Variants in CLCN5 observed in about 807,000 individuals in gnomAD.
CLCN5 encodes Cl-/H+ antiporter 5, also known as H(+)/Cl(-) exchange transporter 5.
A neutral mutation model predicts 54.0 loss-of-function variants in CLCN5; 17 were observed. The ratio of observed to expected loss-of-function variants is 0.31; its 90% CI spans 0.22 to 0.47. CLCN5 has a LOEUF of 0.47. Among genes scored for constraint, CLCN5 ranks in the 20% least tolerant of loss-of-function variants. The pLI is 1.00. For missense variants in CLCN5, 448 were observed against 646.7 expected, an observed-to-expected ratio of 0.69 and a Z score of 3.33; for synonymous variants, 222 against 233.0, an observed-to-expected ratio of 0.95 and a Z score of 0.43.
chrX:49,982,895 T>C (rs1928813642), intron 3 of CLCN5, among the ~76,000 whole-genome samples: 1 of 112,137 alleles, frequency 8.9e-6, no homozygotes, highest in Non-Finnish European at 1.9e-5. Context: ...ATTAGTGTGC[T>C]ACAAATACTT....
chrX:50,027,336 T>A (rs1312741343), intron 3 of CLCN5, among the ~76,000 whole-genome samples: 1 of 111,749 alleles, frequency 8.9e-6, no homozygotes, highest in African/African-American at 3.3e-5. Context: ...TTCTTTCTTC[T>A]CCTTCTGGTA....
intron 3 of CLCN5, among the ~76,000 whole-genome samples, chrX:50,023,123 G>T (rs1557184599): frequency 1.0e-5 from 1 of 96,825 alleles, no homozygotes; most frequent in East Asian, 2.9e-4. Context: ...AAGTCTCTTT[G>T]TAGGTCACTC....
chrX:50,043,208 C>T (rs1358213634), intron 4 of CLCN5, among the ~76,000 whole-genome samples: 2 of 111,660 alleles, frequency 1.8e-5, no homozygotes, highest in Non-Finnish European at 3.8e-5. Context: ...AATCCCCCTC[C>T]TTGGTTATCT....
intron 3 of CLCN5, among the ~76,000 whole-genome samples, chrX:49,936,557 C>G (rs1429167537): frequency 6.3e-5 from 7 of 111,919 alleles, no homozygotes; most frequent in African/African-American, 2.3e-4. Context: ...ACTTGGTTTT[C>G]TAGACTGTTA....
chrX:49,930,485 A>G (rs1463793792), intron 3 of CLCN5, among the ~76,000 whole-genome samples: 1 of 111,971 alleles, frequency 8.9e-6, no homozygotes, highest in Non-Finnish European at 1.9e-5. Flanking sequence ...GAATATGGTA[A>G]TTACCAAAAA....
At chrX:50,011,801 TGTGCACACACGCACAC>T (rs1365748057) in intron 3 of CLCN5, among the ~76,000 whole-genome samples, 3 of 112,226 alleles carry the variant, frequency 2.7e-5, no homozygotes, top group Non-Finnish European at 5.6e-5. Flanking sequence ...TGTGAGCACA[TGTGCACACACGCACAC>T]GTGCACACAC....
chrX:49,923,643 C>T (rs781949140), intron 2 of CLCN5, 161 bp downstream of exon 2: 2 of 112,224 alleles, frequency 1.8e-5, no homozygotes, highest in Non-Finnish European at 3.8e-5. Context: ...TAACTGCACG[C>T]GAAATAGGAG....
intron 4 of CLCN5, among the ~76,000 whole-genome samples, chrX:50,050,853 G>A (rs934341863): frequency 2.7e-5 from 3 of 109,170 alleles, no homozygotes; most frequent in Non-Finnish European, 3.8e-5. Context: ...TAGTAGAGAC[G>A]AGGTTTCACC....
At chrX:50,053,947 A>G (rs1932666001) in intron 4 of CLCN5, among the ~76,000 whole-genome samples, 1 of 109,805 alleles carries the variant, frequency 9.1e-6, no homozygotes, top group Non-Finnish European at 1.9e-5. Context: ...AAATTCCTCT[A>G]GTGTGCTTGT....
At position 50,092,493 on chromosome X, in the gene CLCN5, T is replaced by G. The variant is rs1423821827; in HGVS notation, c.*274T>G. 11 of 318,310 alleles carry G rather than the reference T, an allele frequency of 3.5e-5. No individual in the cohort carries two copies. The East Asian group carries it at 4.5e-4, about 13-fold the overall frequency. The allele number at this position is 318,310 out of a possible 1,213,427, so 26.2% of individuals were successfully genotyped here. A position where few individuals can be genotyped will look rare whatever the true frequency, so the allele number is the denominator to read the frequency against. On this transcript the variant is annotated 3_prime_UTR_variant, in exon 15 of 15. Coordinates refer to ENST00000376091, the MANE Select transcript of CLCN5 (RefSeq NM_001127898.4). ...CTATGGTTTAATTATATTTGCTTTT[T>G]AAAAGATTTTTTTAACTTAAAAAGT... is the stretch of plus-strand genomic sequence containing the variant.
At chrX:50,017,976 T>C (rs1018546811) in intron 3 of CLCN5, among the ~76,000 whole-genome samples, 5 of 111,739 alleles carry the variant, frequency 4.5e-5, no homozygotes, top group Non-Finnish European at 9.4e-5. Context: ...TCTCTCTGGC[T>C]AAACTTTAGA....
At chrX:50,050,928 C>T (rs1035687183) in intron 4 of CLCN5, among the ~76,000 whole-genome samples, 6 of 110,933 alleles carry the variant, frequency 5.4e-5, no homozygotes, top group Non-Finnish European at 7.6e-5. Flanking sequence ...TCCCAAAGTG[C>T]GGGGATTACA....
intron 3 of CLCN5, among the ~76,000 whole-genome samples, chrX:49,960,092 A>T: frequency 9.0e-6 from 1 of 110,733 alleles, no homozygotes; most frequent in Non-Finnish European, 1.9e-5. Context: ...GAAGTTTTCT[A>T]GCCTTCTCCT....
intron 7 of CLCN5, 111 bp from the exon 8 acceptor site, chrX:50,080,482 TG>T: frequency 1.5e-6 from 1 of 654,353 alleles, no homozygotes; most frequent in Non-Finnish European, 2.3e-6. Flanking sequence ...TTAATCTCGG[TG>T]GTTTTTTTTT....
At chrX:49,941,139 A>G (rs1926305826) in intron 3 of CLCN5, among the ~76,000 whole-genome samples, 1 of 110,787 alleles carries the variant, frequency 9.0e-6, no homozygotes, top group Admixed American at 9.6e-5. Flanking sequence ...CCTGGCCAAC[A>G]TGGTGAAACT....
At chrX:49,963,391 A>G (rs782377787) in intron 3 of CLCN5, among the ~76,000 whole-genome samples, 1 of 111,537 alleles carries the variant, frequency 9.0e-6, no homozygotes, top group South Asian at 3.8e-4. Context: ...TGGTAACCAT[A>G]TATAACTTAT....
chrX:49,981,239 G>A (rs1004578818), intron 3 of CLCN5, among the ~76,000 whole-genome samples: 2 of 111,588 alleles, frequency 1.8e-5, no homozygotes, highest in African/African-American at 6.5e-5. Flanking sequence ...CCAATGAGCC[G>A]TTATTTCTCT....
At chrX:50,045,807 C>G (rs1932372488) in intron 4 of CLCN5, among the ~76,000 whole-genome samples, 1 of 112,265 alleles carries the variant, frequency 8.9e-6, no homozygotes, top group Non-Finnish European at 1.9e-5. Flanking sequence ...ATATAACTTT[C>G]TTGCTTTGCT....
chrX:50,033,850 A>G (rs868911812), intron 3 of CLCN5, among the ~76,000 whole-genome samples: 2 of 111,845 alleles, frequency 1.8e-5, no homozygotes, highest in South Asian at 7.5e-4. Context: ...AATTTTGATG[A>G]CTAAAGGGAT....
Sources: allele counts gnomAD v4.1 joint callset (sites outside exome capture counted in the v4.1 genomes callset), GRCh38; gene constraint gnomAD v4.1.1; transcripts MANE v1.5; gene names NCBI Gene and HGNC (gene_info 2026-07-23, HGNC 2026-07-21).